The following SRRM2 variants were observed in gnomAD, a reference collection of about 807,000 sequenced individuals.
SRRM2 encodes serine/arginine repetitive matrix 2.
SRRM2 carries 30 observed loss-of-function variants against 213.8 expected under a neutral mutation model. The ratio of observed to expected loss-of-function variants is 0.14; its 90% confidence interval spans 0.10 to 0.19. SRRM2 has a LOEUF of 0.19. Among genes scored for constraint, SRRM2 ranks in the 10% least tolerant of loss-of-function variants. The pLI is 1.00. For missense variants in SRRM2, 4,904 were observed against 3,647.0 expected (o/e 1.34, Z -8.88); for synonymous variants, 2,025 against 1,377.7 (o/e 1.47, Z -10.40).
intron 9 of SRRM2, 55 bp downstream of exon 9, chr16:2,759,716 T>C: frequency 6.6e-7 from 1 of 1,519,312 alleles, no homozygotes; most frequent in Non-Finnish European, 9.1e-7. Flanking sequence ...TTAATTAATT[T>C]AATATTTATT....
intron 12 of SRRM2, 171 bp from the exon 13 acceptor site, chr16:2,770,181 C>T (rs968195811): frequency 2.1e-6 from 3 of 1,443,534 alleles, no homozygotes; most frequent in African/African-American, 2.9e-5. Flanking sequence ...GCCCACTGGG[C>T]ACTCGGTGGA....
chr16:2,762,048 G>T lies in SRRM2; in HGVS notation c.1520G>T (p.Arg507Leu), dbSNP rs372984748. Residue 507 changes from arginine (R) to leucine (L), a missense_variant, in exon 11 of 15, where the codon CGA becomes CTA. Arg to Leu is a moderately radical substitution (Grantham distance 102). Coordinates refer to ENST00000301740, the MANE Select transcript of SRRM2 (RefSeq NM_016333.4). ...SRTPTKRGHS[R>L]SRSPQWRRSR... ...ACCCCTACCAAGAGAGGTCATTCTC[G>T]ATCCCGATCTCCCCAGTGGCGTAGG... 7 of 1,614,096 alleles carry T rather than the reference G, an allele frequency of 4.3e-6. No individual in the cohort carries two copies. In the African/African-American group the frequency reaches 5.3e-5, roughly 12 times the overall value.
chr16:2,769,826 C>T (rs2068679380), intron 12 of SRRM2: 1 of 465,722 alleles, frequency 2.1e-6, no homozygotes, highest in Non-Finnish European at 4.3e-6. Context: ...CCTGTGTTCT[C>T]CTCCTGCCCG....
At position 2,767,232 on chromosome 16, in the gene SRRM2, C is replaced by T. The variant is rs906005102; in HGVS notation, c.6704C>T (p.Ala2235Val). The T allele has an allele frequency of 1.9e-6, 3 of 1,614,180 alleles. No individual in the cohort carries two copies. Among genetic ancestry groups the T allele is most frequent in the Non-Finnish European group, 2.5e-6 (3 of 1,180,042 alleles). The change falls in exon 11 of 15, where the codon GCC becomes GTC. Residue 2235 changes from alanine (A) to valine (V), a missense_variant. Coordinates refer to ENST00000301740, the MANE Select transcript of SRRM2 (RefSeq NM_016333.4). ...AACCTTGCCAGCAGGATTCCTGCAG[C>T]CTCTGCGGCAGCCATGAACCTAGCC... ...AANLASRIPA[A>V]SAAAMNLASA...
chr16:2,756,645 TGCA>T, intron 2 of SRRM2, 39 bp downstream of exon 2: 1 of 1,578,722 alleles, frequency 6.3e-7, no homozygotes, highest in Middle Eastern at 1.7e-4. Context: ...ACTGAATGAG[TGCA>T]GAGCTGGGGG....
chr16:2,767,590 C>T lies in SRRM2; in HGVS notation c.7062C>T (p.Gly2354=), dbSNP rs991293088. The change falls in exon 11 of 15, where the codon GGC becomes GGT. Residue 2354 remains glycine (G), a synonymous_variant. Coordinates refer to ENST00000301740, the MANE Select transcript of SRRM2 (RefSeq NM_016333.4). Reference sequence around the variant, plus strand: ...CCACAGCTCCTGTGAATATTGCCGGCTCCAGAACCGCCGCAGCCTTGGCCC... The same window carrying T: ...CCACAGCTCCTGTGAATATTGCCGGTTCCAGAACCGCCGCAGCCTTGGCCC... ...AHATAPVNIA[G]SRTAAALAPA... 3.1e-6 allele frequency: 5 copies of T among 1,614,040 alleles called. No individual in the cohort carries two copies. The South Asian group carries it at 3.3e-5, about 11-fold the overall frequency.
Position 2,752,779 on chromosome 16 carries a change from A to G in SRRM2, c.-99A>G. On this transcript the variant is annotated 5_prime_UTR_variant, in exon 1 of 15. Transcript: ENST00000301740. ...GAGGCGGCGGCCCCAGGCCCGAGGG[A>G]CTCGGGAGCTCGAGCAGCGGCGGCG... The G allele has an allele frequency of 2.9e-6, 1 of 348,052 alleles. No homozygotes were observed. The allele number at this position is 348,052 out of a possible 1,614,324, so 21.6% of individuals were successfully genotyped here.
chr16:2,765,461 A>G lies in SRRM2; in HGVS notation c.4933A>G (p.Arg1645Gly), dbSNP rs747435793. The change falls in exon 11 of 15, where the codon AGA becomes GGA. Residue 1645 changes from arginine (R) to glycine (G), a missense_variant. Coordinates refer to ENST00000301740, the MANE Select transcript of SRRM2 (RefSeq NM_016333.4). ...RSRSGSSSKG[R>G]GPSPEGSSST... The stretch of plus-strand genomic sequence containing the variant: ...CAGATCAGGTTCATCAAGCAAAGGC[A>G]GAGGCCCTTCTCCTGAAGGAAGCAG... 44 of 1,614,076 alleles carry G rather than the reference A, an allele frequency of 2.7e-5. No individual in the cohort carries two copies. Among genetic ancestry groups the G allele is most frequent in the Non-Finnish European group, 3.6e-5 (42 of 1,180,042 alleles).
At position 2,766,880 on chromosome 16, in the gene SRRM2, AGTC is replaced by A. The variant is rs757797160; in HGVS notation, c.6356_6358del (p.Arg2119del). ...CAACAGTTCCAGAATGAGCTGCTTCAGTCGTCCTAGCATGTCCCCAACACCTCT... is the reference window on the plus strand; with the variant it reads ...CAACAGTTCCAGAATGAGCTGCTTCAGTCCTAGCATGTCCCCAACACCTCT... On this transcript the variant is annotated inframe_deletion, in exon 11 of 15. Coordinates refer to ENST00000301740, the MANE Select transcript of SRRM2 (RefSeq NM_016333.4). This position sits in a 1 kb window ranked among gnomAD's most constrained non-coding sequence, Gnocchi z 7.0. 2 of 1,614,006 alleles carry A rather than the reference AGTC, an allele frequency of 1.2e-6. No homozygotes were observed. The highest frequency in any genetic ancestry group is 1.7e-6 in the Non-Finnish European group (2 of 1,180,026).
rs1298039587 is a variant in SRRM2, at chr16:2,764,691, C to A, written c.4163C>A (p.Pro1388Gln). The A allele has an allele frequency of 1.2e-6, 2 of 1,614,092 alleles. No individual in the cohort carries two copies. The highest frequency in any genetic ancestry group is 1.7e-6 in the Non-Finnish European group (2 of 1,180,036). The change falls in exon 11 of 15, where the codon CCA (proline) becomes CAA (glutamine). Residue 1388 changes from proline to glutamine, a missense_variant. Transcript: ENST00000301740. ...SSGHSSSELS[P>Q]DAVEKAGMSS... ...GGACACAGCAGTTCTGAGTTATCCCCAGATGCAGTGGAAAAGGCAGGGATG... is the reference window on the plus strand; with the variant it reads ...GGACACAGCAGTTCTGAGTTATCCCAAGATGCAGTGGAAAAGGCAGGGATG...
chr16:2,771,270 G>A lies in SRRM2; in HGVS notation c.*403G>A. 1 of 784,960 alleles carries A rather than the reference G, an allele frequency of 1.3e-6. No individual in the cohort carries two copies. Among genetic ancestry groups the A allele is most frequent in the Non-Finnish European group, 2.2e-6 (1 of 462,058 alleles). 48.6% of individuals were successfully genotyped at this position (784,960 alleles called of 1,614,324 possible). A position where few individuals can be genotyped will look rare whatever the true frequency, so the allele number is the denominator to read the frequency against. On this transcript the variant is annotated 3_prime_UTR_variant, in exon 15 of 15. Transcript: ENST00000301740. ...TCTTGGAAGGAAGGGGCAGGAGTTG[G>A]AATTAGTTGGTCCCTACTGTCCCCC...
rs1223364916 is a variant in SRRM2, at chr16:2,759,168, C to T, written c.685C>T (p.His229Tyr). 6.2e-7 allele frequency: 1 copy of T among 1,614,124 alleles called. No individual in the cohort carries two copies. Among genetic ancestry groups the T allele is most frequent in the East Asian group, 2.2e-5 (1 of 44,890 alleles). ...AGAATCTGAGTCCAAGAAACGTAAG[C>T]ATAGGTAAGAGCTCTTTAACTCATA... ...RSESESKKRK[H>Y]RSPTPKSKRK... The change falls in exon 7 of 15, where the codon CAT becomes TAT. Residue 229 changes from histidine (H) to tyrosine (Y), a missense_variant. Coordinates refer to ENST00000301740, the MANE Select transcript of SRRM2 (RefSeq NM_016333.4).
In SRRM2 at chr16:2,767,416, C is replaced by T. The variant is rs1419297425; in HGVS notation, c.6888C>T (p.Asn2296=). ...GCACTCCCACAGCCCCAGCTGTGAA[C>T]CTAGCAGGGGCCAGAACCCCAGCTG... The part of the protein sequence containing the change: ...DPRTPTAPAV[N]LAGARTPAAL... Residue 2296 remains asparagine, a synonymous_variant, in exon 11 of 15, where the codon AAC becomes AAT. Transcript: ENST00000301740. The T allele has an allele frequency of 3.1e-6, 5 of 1,614,084 alleles. No individual in the cohort carries two copies. The highest frequency in any genetic ancestry group is 1.6e-4 in the Middle Eastern group (1 of 6,062).
At position 2,770,448 on chromosome 16, in the gene SRRM2, A is replaced by G; in HGVS notation, c.8118A>G (p.Ser2706=). 1 of 1,607,838 alleles carries G rather than the reference A, an allele frequency of 6.2e-7. No individual in the cohort carries two copies. The highest frequency in any genetic ancestry group is 1.1e-5 in the South Asian group (1 of 89,744). Residue 2706 remains serine, a synonymous_variant, in exon 13 of 15, where the codon TCA becomes TCG. Coordinates refer to ENST00000301740, the MANE Select transcript of SRRM2 (RefSeq NM_016333.4). The part of the protein sequence containing the change: ...VERRRPSPQP[S]PRDQQSSSSE... The stretch of plus-strand genomic sequence containing the variant: ...GTCGCCGTCCCTCGCCCCAGCCCTC[A>G]CCACGGGACCAGCAGAGGTAAGGCC...
Position 2,760,358 on chromosome 16 carries a change from C to G in SRRM2, c.891C>G (p.Ser297=). The G allele has an allele frequency of 6.2e-7, 1 of 1,614,058 alleles. No homozygotes were observed. Among genetic ancestry groups the G allele is most frequent in the South Asian group, 1.1e-5 (1 of 91,076 alleles). ...CTGCCTTGGCTGGGCGAAGTCCTTC[C>G]CCTGCTTCAGGGCGACGCGGGGAGG... The part of the protein sequence containing the change: ...HTTALAGRSP[S]PASGRRGEGD... Residue 297 remains serine, a synonymous_variant, in exon 10 of 15, where the codon TCC becomes TCG. Transcript: ENST00000301740.
chr16:2,755,668 C>A lies in SRRM2; in HGVS notation c.-31-666C>A, dbSNP rs964526501. Reference sequence around the variant, plus strand: ...CTTACCTGGGAGGTGAAGTATATGACGATTATCCAAGGTTCATGTGTGTTT... The same window carrying A: ...CTTACCTGGGAGGTGAAGTATATGAAGATTATCCAAGGTTCATGTGTGTTT... On this transcript the variant is annotated intron_variant, in intron 1 of 14. Transcript: ENST00000301740. Among the ~76,000 whole-genome samples, 14 of 152,248 alleles carry A rather than the reference C, an allele frequency of 9.2e-5. No individual in the cohort carries two copies. The Middle Eastern group carries it at 0.017, about 185-fold the overall frequency.
rs1321470970 is a variant in SRRM2, at chr16:2,769,027, G to C, written c.7764G>C (p.Glu2588Asp). 1 of 1,614,088 alleles carries C rather than the reference G, an allele frequency of 6.2e-7. No homozygotes were observed. The highest frequency in any genetic ancestry group is 8.5e-7 in the Non-Finnish European group (1 of 1,180,016). Residue 2588 changes from glutamate to aspartate, a missense_variant, in exon 12 of 15, where the codon GAG becomes GAC. By Grantham distance (45) the Glu-to-Asp change is conservative. Coordinates refer to ENST00000301740, the MANE Select transcript of SRRM2 (RefSeq NM_016333.4). The part of the protein sequence containing the change: ...RVPSPTPAPK[E>D]AVREGRPPEP... ...CCAGCCCCACCCCAGCCCCAAAGGAGGCTGTTCGAGAGGGACGTCCTCCGG... is the reference window on the plus strand; with the variant it reads ...CCAGCCCCACCCCAGCCCCAAAGGACGCTGTTCGAGAGGGACGTCCTCCGG...
At position 2,767,283 on chromosome 16, in the gene SRRM2, C is replaced by T; in HGVS notation, c.6755C>T (p.Thr2252Ile). The change falls in exon 11 of 15, where the codon ACA becomes ATA. Residue 2252 changes from threonine (T) to isoleucine (I), a missense_variant. Thr to Ile is a moderately conservative substitution (Grantham distance 89). Transcript: ENST00000301740. ...AGCGCCAGGACACCTGCCATTCCAACAGCAGTGAACCTGGCTGACTCTCGA... is the reference window on the plus strand; with the variant it reads ...AGCGCCAGGACACCTGCCATTCCAATAGCAGTGAACCTGGCTGACTCTCGA... ...LASARTPAIP[T>I]AVNLADSRTP... The T allele has an allele frequency of 6.2e-7, 1 of 1,614,120 alleles. No individual in the cohort carries two copies. Among genetic ancestry groups the T allele is most frequent in the Non-Finnish European group, 8.5e-7 (1 of 1,180,044 alleles).
Position 2,761,681 on chromosome 16 carries a change from C to T in SRRM2, c.1153C>T (p.Pro385Ser), listed in dbSNP as rs372217649. 3.1e-6 allele frequency: 5 copies of T among 1,601,548 alleles called. No homozygotes were observed. The highest frequency in any genetic ancestry group is 4.3e-6 in the Non-Finnish European group (5 of 1,173,942). The change falls in exon 11 of 15, where the codon CCC becomes TCC. Residue 385 changes from proline to serine, a missense_variant. Coordinates refer to ENST00000301740, the MANE Select transcript of SRRM2 (RefSeq NM_016333.4). ...GGSPQPLATT[P>S]LSQEPVNPPS... ...CTCCCCACAACCCCTTGCAACCACC[C>T]CCTTAAGCCAGGAGCCAGTGAACCC...
Sources: allele counts gnomAD v4.1 joint callset (sites outside exome capture counted in the v4.1 genomes callset), GRCh38; gene constraint gnomAD v4.1.1; non-coding constraint Gnocchi (gnomAD v3.1); transcripts MANE v1.5; gene names NCBI Gene and HGNC (gene_info 2026-07-23, HGNC 2026-07-21).